Variants in ZNF431 observed in about 807,000 individuals in gnomAD.
ZNF431 encodes zinc finger protein 431.
Under a neutral mutation model 57.0 loss-of-function variants are expected in ZNF431, and 34 were observed. That is an observed-to-expected ratio of 0.60 (90% CI 0.45 to 0.79). The LOEUF is 0.79. ZNF431 is among the 30% of genes least tolerant of loss of function. ZNF431 has a pLI of 0.00. For synonymous variants in ZNF431, 207 were observed against 220.3 expected (o/e 0.94, Z 0.54); for missense variants, 607 against 667.1 (o/e 0.91, Z 0.99).
Position 21,183,844 on chromosome 19 carries a change from G to A in ZNF431, c.1541G>A (p.Cys514Tyr), listed in dbSNP as rs1971287596. ...CATACAGGAGAGAAATCTTACAAAT[G>A]TGAAGAATGTGGTAAAGCCTTTAAC... ...IIHTGEKSYK[C>Y]EECGKAFNQS... is the part of the protein sequence containing the mutation. Residue 514 changes from cysteine to tyrosine, a missense_variant, in exon 5 of 5, where the codon TGT becomes TAT. Cys to Tyr is a radical substitution (Grantham distance 194). Coordinates refer to ENST00000311048, the MANE Select transcript of ZNF431 (RefSeq NM_133473.4). The A allele has an allele frequency of 1.2e-6, 2 of 1,613,768 alleles. No individual in the cohort carries two copies. Among genetic ancestry groups the A allele is most frequent in the East Asian group, 2.2e-5 (1 of 44,874 alleles).
At chr19:21,168,998 G>C (rs1045034744) in intron 4 of ZNF431, among the ~76,000 whole-genome samples, 1 of 151,992 alleles carries the variant, frequency 6.6e-6, no homozygotes, top group Non-Finnish European at 1.5e-5. Flanking sequence ...TGCAACCTCT[G>C]CATCCTAGGT....
intron 2 of ZNF431, among the ~76,000 whole-genome samples, chr19:21,160,643 C>T (rs1374607414): frequency 6.6e-6 from 1 of 152,172 alleles, no homozygotes; most frequent in Non-Finnish European, 1.5e-5. Context: ...ATCTTTGAGA[C>T]ATTTGAGGAT....
At position 21,183,997 on chromosome 19, in the gene ZNF431, A is replaced by C. The variant is rs781142130; in HGVS notation, c.1694A>C (p.Glu565Ala). ...AAACAAAATAATTCATACTGGAGAGAAACTCTACAAATGTCAAGAATGTGG... is the reference window on the plus strand; with the variant it reads ...AAACAAAATAATTCATACTGGAGAGCAACTCTACAAATGTCAAGAATGTGG... ...LIKQNNSYWR[E>A]TLQMSRMWES... The change falls in exon 5 of 5, where the codon GAA becomes GCA. Residue 565 changes from glutamate (E) to alanine (A), a missense_variant. Transcript: ENST00000311048. 5.1e-6 allele frequency: 8 copies of C among 1,579,810 alleles called. No individual in the cohort carries two copies. Among genetic ancestry groups the C allele is most frequent in the Non-Finnish European group, 6.9e-6 (8 of 1,167,390 alleles).
intron 3 of ZNF431, 112 bp downstream of exon 3, chr19:21,166,573 A>C (rs1247861195): frequency 8.0e-7 from 1 of 1,242,610 alleles, no homozygotes; most frequent in Non-Finnish European, 1.1e-6. Flanking sequence ...TTCTAATCCC[A>C]GTTTTCAAGA....
intron 4 of ZNF431, among the ~76,000 whole-genome samples, chr19:21,173,592 G>A (rs368396677): frequency 5.3e-5 from 8 of 152,100 alleles, no homozygotes; most frequent in African/African-American, 1.7e-4. Flanking sequence ...CAATTGGCAC[G>A]ATGGCTCACT....
chr19:21,168,778 T>G (rs1970797909), intron 4 of ZNF431, among the ~76,000 whole-genome samples: 1 of 152,220 alleles, frequency 6.6e-6, no homozygotes, highest in Admixed American at 6.5e-5. Flanking sequence ...AGAAATTTAT[T>G]TTAATGCTAT....
chr19:21,146,409 GAAA>G (rs59050670), intron 2 of ZNF431, among the ~76,000 whole-genome samples: 9 of 108,716 alleles, frequency 8.3e-5, no homozygotes, highest in Non-Finnish European at 9.5e-5. Flanking sequence ...CACTCTGTCT[GAAA>G]AAAAAAAAAA....
chr19:21,158,431 C>A (rs1033627552), intron 2 of ZNF431, among the ~76,000 whole-genome samples: 3 of 152,082 alleles, frequency 2.0e-5, no homozygotes, highest in African/African-American at 7.2e-5. Flanking sequence ...AACTCCTGAC[C>A]TCATGATCCG....
rs1479282994 is a variant in ZNF431, at chr19:21,195,048, A to G, written c.*11014A>G. On this transcript the variant is annotated 3_prime_UTR_variant, in exon 5 of 5. Transcript: ENST00000311048. ...TGAATGCTGGTGTCAGTGGTTGGGAATAACAACATTTGCAGGCTCATGAGA... is the reference window on the plus strand; with the variant it reads ...TGAATGCTGGTGTCAGTGGTTGGGAGTAACAACATTTGCAGGCTCATGAGA... The G allele has an allele frequency of 6.6e-6, 1 of 152,210 alleles. No individual in the cohort carries two copies. The highest frequency in any genetic ancestry group is 1.9e-4 in the East Asian group (1 of 5,178). 9.4% of individuals were successfully genotyped at this position (152,210 alleles called of 1,614,324 possible). A position where few individuals can be genotyped will look rare whatever the true frequency, so the allele number is the denominator to read the frequency against.
intron 2 of ZNF431, among the ~76,000 whole-genome samples, chr19:21,155,060 G>C (rs570888748): frequency 1.3e-5 from 2 of 152,042 alleles, no homozygotes; most frequent in Admixed American, 6.6e-5. Context: ...TTTTGTTGCC[G>C]TTGCTTTTGG....
intron 4 of ZNF431, among the ~76,000 whole-genome samples, chr19:21,171,506 C>G (rs1446935937): frequency 2.0e-5 from 3 of 151,858 alleles, no homozygotes; most frequent in African/African-American, 7.3e-5. Flanking sequence ...AGAGATAAGT[C>G]AGCCATACGT....
Position 21,189,722 on chromosome 19 carries a change from A to T in ZNF431, c.*5688A>T. On this transcript the variant is annotated 3_prime_UTR_variant, in exon 5 of 5. Transcript: ENST00000311048. Reference sequence around the variant, plus strand: ...TGGTCACCATTTTACTCTCTACATCAATGGGATTAAGTTTTTTGGAATCCA... The same window carrying T: ...TGGTCACCATTTTACTCTCTACATCTATGGGATTAAGTTTTTTGGAATCCA... 1 of 391,734 alleles carries T rather than the reference A, an allele frequency of 2.6e-6. No individual in the cohort carries two copies. Among genetic ancestry groups the T allele is most frequent in the Non-Finnish European group, 4.5e-6 (1 of 222,330 alleles). 24.3% of individuals were successfully genotyped at this position (391,734 alleles called of 1,614,324 possible).
chr19:21,183,791 C>T lies in ZNF431; in HGVS notation c.1488C>T (p.Ser496=), dbSNP rs1285018909. The stretch of plus-strand genomic sequence containing the variant: ...AATGTGGCAAAGCTTTTAACCGATC[C>T]TCAAATCTTACTAAACATAAGATAA... The part of the protein sequence containing the change: ...CEECGKAFNR[S]SNLTKHKIIH... Residue 496 remains serine (S), a synonymous_variant, in exon 5 of 5, where the codon TCC becomes TCT. Transcript: ENST00000311048. The T allele has an allele frequency of 1.2e-6, 2 of 1,613,922 alleles. No homozygotes were observed. The highest frequency in any genetic ancestry group is 3.3e-5 in the Admixed American group (2 of 60,014).
chr19:21,192,166 GTTTATTTA>G lies in ZNF431; in HGVS notation c.*8144_*8151del, dbSNP rs749176908. On this transcript the variant is annotated 3_prime_UTR_variant, in exon 5 of 5. Coordinates refer to ENST00000311048, the MANE Select transcript of ZNF431 (RefSeq NM_133473.4). Reference sequence around the variant, plus strand: ...GTATTTTGAAAGTTTAATAAATTTTGTTTATTTATTTATTTATTTTGAGATGGAGTCTC... The same window carrying G: ...GTATTTTGAAAGTTTAATAAATTTTGTTTATTTATTTTGAGATGGAGTCTC... 1 of 151,872 alleles carries G rather than the reference GTTTATTTA, an allele frequency of 6.6e-6. No individual in the cohort carries two copies. Among genetic ancestry groups the G allele is most frequent in the African/African-American group, 2.4e-5 (1 of 41,390 alleles). 9.4% of individuals were successfully genotyped at this position (151,872 alleles called of 1,614,324 possible).
intron 2 of ZNF431, chr19:21,149,880 T>G (rs1970218448): frequency 3.1e-6 from 2 of 640,176 alleles, no homozygotes; most frequent in African/African-American, 1.8e-5. Flanking sequence ...CGTCCTAGTC[T>G]TACCTTCCCC....
intron 2 of ZNF431, among the ~76,000 whole-genome samples, chr19:21,163,973 C>G (rs961555649): frequency 2.0e-5 from 3 of 151,000 alleles, no homozygotes; most frequent in African/African-American, 7.3e-5. Flanking sequence ...CCCAGCTACT[C>G]AGGAGGCTGA....
At chr19:21,162,640 G>T in intron 2 of ZNF431, 1 of 836,338 alleles carries the variant, frequency 1.2e-6, no homozygotes, top group Non-Finnish European at 1.4e-6. Flanking sequence ...TTTAGGTCTG[G>T]CCCCACCCTG....
chr19:21,183,717 A>G lies in ZNF431; in HGVS notation c.1414A>G (p.Thr472Ala), dbSNP rs762509152. The G allele has an allele frequency of 6.2e-7, 1 of 1,613,866 alleles. No homozygotes were observed. Among genetic ancestry groups the G allele is most frequent in the Non-Finnish European group, 8.5e-7 (1 of 1,180,000 alleles). Reference sequence around the variant, plus strand: ...AGCTTTTAGCCAGTCATCAATCCTTACTACACATAAGAGAATTCACACTGG... The same window carrying G: ...AGCTTTTAGCCAGTCATCAATCCTTGCTACACATAAGAGAATTCACACTGG... ...GKAFSQSSIL[T>A]THKRIHTGEK... Residue 472 changes from threonine (T) to alanine (A), a missense_variant, in exon 5 of 5, where the codon ACT becomes GCT. Thr to Ala is a moderately conservative substitution (Grantham distance 58). Coordinates refer to ENST00000311048, the MANE Select transcript of ZNF431 (RefSeq NM_133473.4).
chr19:21,167,572 T>C lies in ZNF431; in HGVS notation c.225T>C (p.Gly75=). The C allele has an allele frequency of 6.4e-7, 1 of 1,562,224 alleles. No homozygotes were observed. The highest frequency in any genetic ancestry group is 8.7e-7 in the Non-Finnish European group (1 of 1,156,064). Residue 75 remains glycine (G), a splice_region_variant and synonymous_variant, in exon 4 of 5, where the codon GGT becomes GGC. Transcript: ENST00000311048. ...TGTTATTTATTTTTAATAAAGCAGG[T>C]GTTGCTGTCTCTAAGCAAGACCCAG... is the stretch of plus-strand genomic sequence containing the variant. ...LENYKNLVFL[G]VAVSKQDPVT...
Sources: gnomAD v4.1 joint callset for allele counts (sites outside exome capture counted in the v4.1 genomes callset) on GRCh38, gnomAD v4.1.1 for gene constraint, MANE v1.5 for transcripts, NCBI Gene and HGNC (gene_info 2026-07-23, HGNC 2026-07-21) for gene names.